Variants in SRGAP2 observed in about 807,000 individuals in gnomAD.
SRGAP2 encodes SLIT-ROBO Rho GTPase-activating protein 2.
In SRGAP2, 15 loss-of-function variants were observed where a neutral mutation model predicts 57.2. The ratio of observed to expected loss-of-function variants is 0.26; its 90% CI spans 0.18 to 0.40. SRGAP2 has a LOEUF of 0.40. Among genes scored for constraint, SRGAP2 ranks in the 10% least tolerant of loss-of-function variants. The probability of loss-of-function intolerance (pLI) is 1.00; values close to 1 mark genes in which losing one functional copy is unlikely to be tolerated. For missense variants in SRGAP2, 520 were observed against 669.6 expected (o/e 0.78, Z 2.47); for synonymous variants, 249 against 248.0 (o/e 1.00, Z -0.04).
At chr1:206,428,109 A>G (rs1660961582) in intron 13 of SRGAP2, among the ~76,000 whole-genome samples, 1 of 152,144 alleles carries the variant, frequency 6.6e-6, no homozygotes, top group Non-Finnish European at 1.5e-5. Context: ...CTCTAAAAAC[A>G]ATAAATTAAT....
intron 2 of SRGAP2, among the ~76,000 whole-genome samples, chr1:206,260,195 T>G (rs1203976379): frequency 1.8e-5 from 2 of 111,606 alleles, no homozygotes; most frequent in Non-Finnish European, 3.6e-5. Context: ...AGTTTCTCCT[T>G]TTCTAAAGAA....
At chr1:206,436,942 A>T (rs782229715) in intron 14 of SRGAP2, 23 bp from the exon 15 acceptor site, 1 of 780,624 alleles carries the variant, frequency 1.3e-6, no homozygotes, top group Admixed American at 1.7e-5. Context: ...CTTCTTCTTG[A>T]TCACTTTTCT....
chr1:206,397,649 A>G (rs1657726544), intron 7 of SRGAP2, among the ~76,000 whole-genome samples: 2 of 146,514 alleles, frequency 1.4e-5, no homozygotes, highest in Non-Finnish European at 3.0e-5. Flanking sequence ...CTTCAGGCCA[A>G]AAAGACGTTC....
At chr1:206,378,723 C>G (rs1553345895) in intron 4 of SRGAP2, among the ~76,000 whole-genome samples, 1 of 151,922 alleles carries the variant, frequency 6.6e-6, no homozygotes, top group Non-Finnish European at 1.5e-5. Context: ...TGTAAAAATG[C>G]ACCAATCAGC....
At chr1:206,451,896 C>T (rs1195658439) in intron 19 of SRGAP2, among the ~76,000 whole-genome samples, 2 of 152,208 alleles carry the variant, frequency 1.3e-5, no homozygotes, top group African/African-American at 4.8e-5. Context: ...ATCTCCAACC[C>T]CTCCTGTGCA....
At chr1:206,327,896 C>T (rs868949473) in intron 3 of SRGAP2, among the ~76,000 whole-genome samples, 6 of 91,656 alleles carry the variant, frequency 6.5e-5, no homozygotes, top group Non-Finnish European at 1.2e-4. Context: ...CATGCTGGTG[C>T]GCTGCACCCA....
At chr1:206,420,091 A>G (rs1297042660) in intron 12 of SRGAP2, among the ~76,000 whole-genome samples, 3 of 152,158 alleles carry the variant, frequency 2.0e-5, no homozygotes, top group African/African-American at 4.8e-5. Context: ...ATGCCTAGAA[A>G]TGTGCTGATT....
At chr1:206,371,562 C>G (rs1407381913) in intron 4 of SRGAP2, among the ~76,000 whole-genome samples, 1 of 149,472 alleles carries the variant, frequency 6.7e-6, no homozygotes, top group Non-Finnish European at 1.5e-5. Flanking sequence ...AACCCCATCT[C>G]TACTAAAAAT....
chr1:206,322,348 C>G (rs2102835843), intron 3 of SRGAP2, among the ~76,000 whole-genome samples: 1 of 145,868 alleles, frequency 6.9e-6, no homozygotes, highest in East Asian at 2.0e-4. Context: ...CCGAGGCGGG[C>G]CGATCATGAG....
intron 2 of SRGAP2, among the ~76,000 whole-genome samples, chr1:206,221,267 G>A (rs1666972712): frequency 6.7e-6 from 1 of 150,040 alleles, no homozygotes; most frequent in Admixed American, 6.6e-5. Context: ...GCTAAGCTGT[G>A]GGCATAGAGA....
chr1:206,428,934 G>A (rs1403921421), intron 13 of SRGAP2, among the ~76,000 whole-genome samples: 8 of 152,058 alleles, frequency 5.3e-5, no homozygotes, highest in Non-Finnish European at 7.4e-5. Context: ...AGGTGTGAGC[G>A]ACCGCACCTG....
In SRGAP2 at chr1:206,450,457, G is replaced by A. The variant is rs1553375485; in HGVS notation, c.2171G>A (p.Ser724Asn). 2.6e-6 allele frequency: 2 copies of A among 780,732 alleles called. No homozygotes were observed. 48.4% of individuals were successfully genotyped at this position (780,732 alleles called of 1,614,324 possible). ...TQDVTAEHHTSDDECEPIEAI... is the reference protein window; with the variant it reads ...TQDVTAEHHTNDDECEPIEAI... The stretch of plus-strand genomic sequence containing the variant: ...GATGTGACCGCAGAGCACCACACGA[G>A]CGATGACGGTACGAGGCCCTGCTTC... The change falls in exon 19 of 23, where the codon AGC becomes AAC. Residue 724 changes from serine (S) to asparagine (N), a missense_variant. Around this residue, in one of 5 missense-constraint regions of SRGAP2, gnomAD observed 478 missense variants for 373.6 expected, o/e 1.28. Coordinates refer to ENST00000573034, the MANE Select transcript of SRGAP2 (RefSeq NM_015326.5).
At chr1:206,418,023 T>G (rs1199365032) in intron 11 of SRGAP2, among the ~76,000 whole-genome samples, 7 of 151,526 alleles carry the variant, frequency 4.6e-5, no homozygotes, top group Non-Finnish European at 8.8e-5. Flanking sequence ...ATGCACCAAA[T>G]GTGCTACTAT....
rs1347860967 is a variant in SRGAP2 at position 206,454,574 on chromosome 1, C to T, written c.2361-304C>T. The T allele has an allele frequency of 9.4e-6, 4 of 424,108 alleles. No homozygotes were observed. In the South Asian group the frequency reaches 1.6e-4, roughly 17 times the overall value. 26.3% of individuals were successfully genotyped at this position (424,108 alleles called of 1,614,324 possible). On this transcript the variant is annotated intron_variant, in intron 20 of 22. Coordinates refer to ENST00000573034, the MANE Select transcript of SRGAP2 (RefSeq NM_015326.5). This position sits in a 1 kb window ranked among gnomAD's most constrained non-coding sequence, Gnocchi z 4.3. ...CAGGAGGCCGCCCCAGCACGGCCTCCCCAGGAAGCAGCATGGGGTAGAAGG... is the reference window on the plus strand; with the variant it reads ...CAGGAGGCCGCCCCAGCACGGCCTCTCCAGGAAGCAGCATGGGGTAGAAGG...
At chr1:206,263,638 C>T (rs1295239257) in intron 2 of SRGAP2, among the ~76,000 whole-genome samples, 3 of 151,410 alleles carry the variant, frequency 2.0e-5, no homozygotes, top group South Asian at 2.1e-4. Flanking sequence ...CCAGCCCATT[C>T]TTACTGCCTT....
intron 2 of SRGAP2, among the ~76,000 whole-genome samples, chr1:206,281,560 C>T (rs1342152047): frequency 8.1e-5 from 10 of 123,272 alleles, no homozygotes; most frequent in Admixed American, 3.9e-4. Flanking sequence ...AGACTGGGTG[C>T]GGTGGCTCAT....
At chr1:206,307,441 G>C (rs1173463221) in intron 3 of SRGAP2, among the ~76,000 whole-genome samples, 1 of 152,100 alleles carries the variant, frequency 6.6e-6, no homozygotes, top group East Asian at 1.9e-4. Flanking sequence ...CCAGTCCTGC[G>C]CTGTGCGCTC....
At chr1:206,435,314 A>G (rs375829378) in intron 14 of SRGAP2, among the ~76,000 whole-genome samples, 6 of 152,164 alleles carry the variant, frequency 3.9e-5, no homozygotes, top group Non-Finnish European at 7.3e-5. Context: ...GCATTAGTCC[A>G]TTTTGTTTTC....
chr1:206,309,765 A>G (rs1412435201), intron 3 of SRGAP2, among the ~76,000 whole-genome samples: 1 of 151,674 alleles, frequency 6.6e-6, no homozygotes, highest in Non-Finnish European at 1.5e-5. Flanking sequence ...GTAAGAGGTT[A>G]TGACTGGGGA....
Sources: allele counts gnomAD v4.1 joint callset (sites outside exome capture counted in the v4.1 genomes callset), GRCh38; gene constraint gnomAD v4.1.1; regional missense constraint gnomAD v4.1.1; non-coding constraint Gnocchi (gnomAD v3.1); transcripts MANE v1.5; gene names NCBI Gene and HGNC (gene_info 2026-07-23, HGNC 2026-07-21).